PUM1: variants seen among roughly 807,000 people sequenced by gnomAD.
The protein encoded by PUM1 is pumilio homolog 1.
In PUM1, 13 loss-of-function variants were observed where a neutral mutation model predicts 131.8. The observed-to-expected ratio is 0.10, with a 90% CI of 0.06 to 0.16. The LOEUF (loss-of-function observed/expected upper bound fraction) is 0.16, where lower values mean the gene tolerates loss of function less well. Ranked by LOEUF, PUM1 falls within the 10% of genes least tolerant of loss-of-function variation. The pLI is 1.00. For missense variants in PUM1, 961 were observed against 1,512.4 expected (o/e 0.64, Z 6.05); for synonymous variants, 509 against 556.5 (o/e 0.91, Z 1.20).
intron 16 of PUM1, among the ~76,000 whole-genome samples, chr1:30,950,636 G>C (rs1394429012): frequency 6.6e-6 from 1 of 152,222 alleles, no homozygotes; most frequent in Non-Finnish European, 1.5e-5. Flanking sequence ...AAGGAGGGTG[G>C]ATCACCTGAG....
At chr1:31,047,901 C>T (rs956478345) in intron 2 of PUM1, among the ~76,000 whole-genome samples, 3 of 151,934 alleles carry the variant, frequency 2.0e-5, no homozygotes, top group African/African-American at 7.3e-5. Flanking sequence ...GAGATCGCAC[C>T]ACTGCACTAT....
chr1:30,955,633 C>T (rs2124420999), intron 14 of PUM1, among the ~76,000 whole-genome samples: 1 of 152,218 alleles, frequency 6.6e-6, no homozygotes, highest in Non-Finnish European at 1.5e-5. Flanking sequence ...ATTACATAAA[C>T]CACAAAAAGT....
intron 20 of PUM1, among the ~76,000 whole-genome samples, chr1:30,937,223 C>T (rs1411992863): frequency 1.3e-5 from 2 of 152,180 alleles, no homozygotes; most frequent in Non-Finnish European, 2.9e-5. Flanking sequence ...GACTTAAGCA[C>T]AAGGTTCAGG....
intron 14 of PUM1, among the ~76,000 whole-genome samples, chr1:30,963,451 T>C (rs1018150653): frequency 1.3e-5 from 2 of 152,218 alleles, no homozygotes; most frequent in Non-Finnish European, 2.9e-5. Flanking sequence ...GTTCTTACTG[T>C]ATAAAACTTC....
At chr1:31,044,736 T>G (rs553868334) in intron 2 of PUM1, among the ~76,000 whole-genome samples, 57 of 152,070 alleles carry the variant, frequency 3.7e-4, no homozygotes, top group African/African-American at 1.4e-3. Flanking sequence ...GGAGTGCAAT[T>G]GCATGATGTC....
At position 30,966,037 on chromosome 1, in the gene PUM1, A is replaced by G. The variant is rs201950300; in HGVS notation, c.2031T>C (p.Ser677=). The change falls in exon 13 of 22, where the codon AGT becomes AGC. Residue 677 remains serine (S), a synonymous_variant. Coordinates refer to ENST00000426105, the MANE Select transcript of PUM1 (RefSeq NM_001020658.2). The part of the protein sequence containing the change: ...QPANTSLGFG[S]SSSLGATLGS... The stretch of plus-strand genomic sequence containing the variant: ...CCAGGGTGGCGCCGAGAGAACTGCT[A>G]CTTCCGAATCCCAAGGATGTGTTGG... 3 of 1,614,158 alleles carry G rather than the reference A, an allele frequency of 1.9e-6. No homozygotes were observed. Among genetic ancestry groups the G allele is most frequent in the East Asian group, 4.5e-5 (2 of 44,892 alleles).
intron 2 of PUM1, among the ~76,000 whole-genome samples, chr1:31,048,761 A>G (rs573018212): frequency 1.3e-5 from 2 of 152,150 alleles, no homozygotes; most frequent in African/African-American, 4.8e-5. Context: ...GGCTTGAGCC[A>G]CCATGCCCGG....
chr1:31,059,277 C>T lies in PUM1; in HGVS notation c.290G>A (p.Gly97Glu). The T allele has an allele frequency of 6.2e-7, 1 of 1,613,968 alleles. No homozygotes were observed. The highest frequency in any genetic ancestry group is 8.5e-7 in the Non-Finnish European group (1 of 1,179,932). ...ATTATTATAGCCGCCTCCTCCACTT[C>T]CTCCTCCCCCAAGCTGCTCACCATG... ...RQHGEQLGGG[G>E]SGGGGYNNSK... The change falls in exon 2 of 22, where the codon GGA (glycine) becomes GAA (glutamate). Residue 97 changes from glycine (G) to glutamate (E), a missense_variant. By Grantham distance (98) the Gly-to-Glu change is moderately conservative. This residue lies in a region of PUM1 where 654 missense variants were observed against 923.9 expected (regional missense o/e 0.71). Transcript: ENST00000426105.
chr1:31,053,789 C>T (rs1644169101), intron 2 of PUM1, among the ~76,000 whole-genome samples: 1 of 151,276 alleles, frequency 6.6e-6, no homozygotes, highest in Admixed American at 6.6e-5. Flanking sequence ...AAATGAAAAA[C>T]TTTTTAATGT....
intron 3 of PUM1, among the ~76,000 whole-genome samples, chr1:31,015,348 T>TC (rs1241686517): frequency 4.1e-5 from 6 of 145,652 alleles, no homozygotes; most frequent in Non-Finnish European, 9.1e-5. Context: ...TTTCTTTTTC[T>TC]TTTTTTTTTT....
At chr1:30,986,156 T>C (rs192295004) in intron 7 of PUM1, among the ~76,000 whole-genome samples, 2 of 152,298 alleles carry the variant, frequency 1.3e-5, no homozygotes, top group East Asian at 3.9e-4. Context: ...GGTTTCACCA[T>C]GTTGGCCAGG....
rs147409445 is a variant in PUM1, at chr1:30,999,913, T to C, written c.721-4693A>G. ...ATCTTAAATGTCCCAATTAAGTGGT[T>C]TAAATCTCAAATACAAGTATACGGC... is the stretch of plus-strand genomic sequence containing the variant. On this transcript the variant is annotated intron_variant, in intron 5 of 21. Transcript: ENST00000426105. Among the ~76,000 whole-genome samples the C allele has an allele frequency of 8.1e-3, 1,236 of 152,342 alleles. 22 individuals are homozygous for C. The highest frequency in any genetic ancestry group is 0.029 in the African/African-American group (1,186 of 41,572).
At chr1:31,047,599 G>C (rs1470728088) in intron 2 of PUM1, among the ~76,000 whole-genome samples, 1 of 152,226 alleles carries the variant, frequency 6.6e-6, no homozygotes, top group East Asian at 1.9e-4. Flanking sequence ...ATGCACAAAA[G>C]ACATGTGTGT....
At chr1:30,945,229 G>C in intron 18 of PUM1, 117 bp downstream of exon 18, 4 of 1,197,132 alleles carry the variant, frequency 3.3e-6, no homozygotes, top group Non-Finnish European at 2.4e-6. Context: ...GTGGGATCCA[G>C]TCTCAAAAAA....
intron 3 of PUM1, among the ~76,000 whole-genome samples, chr1:31,025,523 T>C (rs1027600991): frequency 8.6e-5 from 13 of 150,716 alleles, no homozygotes; most frequent in Admixed American, 4.6e-4. Flanking sequence ...TTTATATGGG[T>C]AAATACTGGT....
intron 5 of PUM1, among the ~76,000 whole-genome samples, chr1:31,003,576 G>C (rs1642292883): frequency 2.0e-5 from 3 of 152,114 alleles, no homozygotes; most frequent in African/African-American, 7.2e-5. Context: ...GGCCAACATG[G>C]GGAAACCGGA....
intron 10 of PUM1, among the ~76,000 whole-genome samples, chr1:30,974,228 A>G (rs533637932): frequency 6.6e-6 from 1 of 152,238 alleles, no homozygotes; most frequent in African/African-American, 2.4e-5. Flanking sequence ...TAAGATTTAC[A>G]TCCAATCCAA....
chr1:31,037,253 A>G (rs1390567941), intron 2 of PUM1: 3 of 152,514 alleles, frequency 2.0e-5, no homozygotes, highest in Admixed American at 1.3e-4. Flanking sequence ...CACTTGGACC[A>G]TAAGACTAGC....
At chr1:30,977,566 C>A (rs1239217998) in intron 9 of PUM1, among the ~76,000 whole-genome samples, 1 of 152,204 alleles carries the variant, frequency 6.6e-6, no homozygotes, top group Non-Finnish European at 1.5e-5. Flanking sequence ...CTGAGCTTGG[C>A]ACATCAGGAT....
Sources: gnomAD v4.1 joint callset for allele counts (sites outside exome capture counted in the v4.1 genomes callset) on GRCh38, gnomAD v4.1.1 for gene constraint, gnomAD v4.1.1 regional missense constraint, MANE v1.5 for transcripts, NCBI Gene and HGNC (gene_info 2026-07-23, HGNC 2026-07-21) for gene names.